Variants in MARCHF11 observed in about 807,000 individuals in gnomAD.
The protein encoded by MARCHF11 is membrane associated ring-CH-type finger 11.
In MARCHF11, 29 loss-of-function variants were observed where a neutral mutation model predicts 37.3. The ratio of observed to expected loss-of-function variants is 0.78; its 90% CI spans 0.58 to 1.06. The LOEUF is 1.06. Ranked by LOEUF, MARCHF11 falls within the 50% of genes least tolerant of loss-of-function variation. The pLI is 0.00. For synonymous variants in MARCHF11, 233 were observed against 228.0 expected, an observed-to-expected ratio of 1.02 and a Z score of -0.20; for missense variants, 482 against 533.4, an observed-to-expected ratio of 0.90 and a Z score of 0.95.
At chr5:16,158,448 G>A (rs1257263319) in intron 2 of MARCHF11, among the ~76,000 whole-genome samples, 1 of 151,858 alleles carries the variant, frequency 6.6e-6, no homozygotes, top group Non-Finnish European at 1.5e-5. Context: ...GCAACAACAT[G>A]TATGAACCTG....
intron 2 of MARCHF11, among the ~76,000 whole-genome samples, chr5:16,138,262 G>A (rs4702126): frequency 0.23 from 34,330 of 152,036 alleles, 4,052 homozygotes; most frequent in South Asian, 0.31. Flanking sequence ...GAGACTTGGC[G>A]CCCTGCATCC....
chr5:16,089,275 C>G (rs1300405023), intron 3 of MARCHF11, among the ~76,000 whole-genome samples: 2 of 152,042 alleles, frequency 1.3e-5, no homozygotes, highest in Non-Finnish European at 2.9e-5. Context: ...TTATATCATT[C>G]ATGCTGAAAG....
At chr5:16,104,006 T>C (rs1255095204) in intron 2 of MARCHF11, among the ~76,000 whole-genome samples, 1 of 152,164 alleles carries the variant, frequency 6.6e-6, no homozygotes, top group Non-Finnish European at 1.5e-5. Context: ...CATAAAATTG[T>C]GAGCAAAAGG....
At chr5:16,168,495 T>C (rs1738207288) in intron 2 of MARCHF11, among the ~76,000 whole-genome samples, 3 of 152,272 alleles carry the variant, frequency 2.0e-5, no homozygotes, top group South Asian at 2.1e-4. Flanking sequence ...GCGATGGTAG[T>C]ATGACTGAGA....
At chr5:16,096,445 T>C (rs971637187) in intron 2 of MARCHF11, among the ~76,000 whole-genome samples, 2 of 152,208 alleles carry the variant, frequency 1.3e-5, no homozygotes, top group Non-Finnish European at 2.9e-5. Flanking sequence ...TGCCCAGAGA[T>C]GTATCAATAG....
At chr5:16,160,735 G>T (rs1738061920) in intron 2 of MARCHF11, among the ~76,000 whole-genome samples, 1 of 151,780 alleles carries the variant, frequency 6.6e-6, no homozygotes, top group Non-Finnish European at 1.5e-5. Context: ...GAGACACCTT[G>T]GTTTTAAACA....
chr5:16,136,631 AC>A (rs1579404384), intron 2 of MARCHF11, among the ~76,000 whole-genome samples: 2 of 152,216 alleles, frequency 1.3e-5, no homozygotes, highest in African/African-American at 2.4e-5. Context: ...GGGGTAACTA[AC>A]AAAACTTGGA....
At chr5:16,138,809 T>C (rs937215736) in intron 2 of MARCHF11, among the ~76,000 whole-genome samples, 1 of 152,224 alleles carries the variant, frequency 6.6e-6, no homozygotes, top group African/African-American at 2.4e-5. Flanking sequence ...GTTTTAAGAT[T>C]TGACTGCCCT....
Position 16,147,386 on chromosome 5 carries a change from T to C in MARCHF11, c.693+30340A>G, listed in dbSNP as rs1220241293. Reference sequence around the variant, plus strand: ...TACTACTATTATTATCTCCATTTAATAGCTGAAAAAAACTGGGACACTGAG... The same window carrying C: ...TACTACTATTATTATCTCCATTTAACAGCTGAAAAAAACTGGGACACTGAG... On this transcript the variant is annotated intron_variant, in intron 2 of 3. Transcript: ENST00000332432. Among the ~76,000 whole-genome samples, 3 of 152,252 alleles carry C rather than the reference T, an allele frequency of 2.0e-5. No individual in the cohort carries two copies. The East Asian group carries it at 5.8e-4, about 29-fold the overall frequency.
At chr5:16,170,411 G>A (rs1050673850) in intron 2 of MARCHF11, among the ~76,000 whole-genome samples, 1 of 152,134 alleles carries the variant, frequency 6.6e-6, no homozygotes, top group African/African-American at 2.4e-5. Flanking sequence ...AATAGATCCC[G>A]TGTTACTATC....
At chr5:16,095,916 G>A (rs1023823517) in intron 2 of MARCHF11, among the ~76,000 whole-genome samples, 1 of 152,144 alleles carries the variant, frequency 6.6e-6, no homozygotes, top group Non-Finnish European at 1.5e-5. Flanking sequence ...GAAATACACG[G>A]AATTCTGACT....
At chr5:16,144,389 G>A (rs528767499) in intron 2 of MARCHF11, among the ~76,000 whole-genome samples, 8 of 152,184 alleles carry the variant, frequency 5.3e-5, no homozygotes, top group Admixed American at 2.0e-4. Context: ...GTTATTCGTC[G>A]CGATGTTCAG....
chr5:16,165,636 A>T (rs984348148), intron 2 of MARCHF11, among the ~76,000 whole-genome samples: 1 of 152,034 alleles, frequency 6.6e-6, no homozygotes, highest in African/African-American at 2.4e-5. Context: ...TCACGGTTAG[A>T]CTATAGTTAC....
intron 2 of MARCHF11, among the ~76,000 whole-genome samples, chr5:16,105,787 T>C (rs1374469591): frequency 1.3e-5 from 2 of 152,180 alleles, no homozygotes; most frequent in South Asian, 2.1e-4. Flanking sequence ...TGTTTTTTTT[T>C]GTTTTGTTTT....
intron 2 of MARCHF11, among the ~76,000 whole-genome samples, chr5:16,175,720 A>C (rs913835669): frequency 9.2e-5 from 14 of 152,228 alleles, no homozygotes; most frequent in Non-Finnish European, 2.1e-4. Flanking sequence ...CCACCTATTC[A>C]CAAGGGATTG....
At chr5:16,138,069 C>T (rs1368393261) in intron 2 of MARCHF11, among the ~76,000 whole-genome samples, 1 of 152,164 alleles carries the variant, frequency 6.6e-6, no homozygotes, top group East Asian at 1.9e-4. Flanking sequence ...GCAATTCAAG[C>T]CAGCTGCAGA....
At chr5:16,086,808 T>C (rs1736705963) in intron 3 of MARCHF11, among the ~76,000 whole-genome samples, 1 of 152,230 alleles carries the variant, frequency 6.6e-6, no homozygotes, top group Non-Finnish European at 1.5e-5. Context: ...ATATTCTTCT[T>C]GTGGCACTAG....
At chr5:16,172,560 T>A (rs2126610831) in intron 2 of MARCHF11, among the ~76,000 whole-genome samples, 1 of 152,350 alleles carries the variant, frequency 6.6e-6, no homozygotes, top group African/African-American at 2.4e-5. Flanking sequence ...CAGACATTTT[T>A]AAGCCATGAA....
At chr5:16,076,067 T>C (rs1057367477) in intron 3 of MARCHF11, among the ~76,000 whole-genome samples, 9 of 152,148 alleles carry the variant, frequency 5.9e-5, no homozygotes, top group African/African-American at 2.2e-4. Flanking sequence ...TCAGGCAAAA[T>C]AGAGAGAGTA....
Sources: allele counts gnomAD v4.1 joint callset (sites outside exome capture counted in the v4.1 genomes callset), GRCh38; gene constraint gnomAD v4.1.1; transcripts MANE v1.5; gene names NCBI Gene and HGNC (gene_info 2026-07-23, HGNC 2026-07-21).